The following ENTPD3 variants were observed in gnomAD, a reference collection of about 807,000 sequenced individuals.
The protein encoded by ENTPD3 is CD39 antigen-like 3.
A neutral mutation model predicts 51.2 loss-of-function variants in ENTPD3; 60 were observed. The observed-to-expected ratio is 1.17, with a 90% CI of 0.95 to 1.45. The LOEUF (loss-of-function observed/expected upper bound fraction) is 1.45. ENTPD3 is among the 40% of genes most tolerant of loss of function. ENTPD3 has a pLI of 0.00. For missense variants in ENTPD3, 593 were observed against 641.1 expected, an observed-to-expected ratio of 0.93 and a Z score of 0.81; for synonymous variants, 221 against 238.4, an observed-to-expected ratio of 0.93 and a Z score of 0.67.
intron 6 of ENTPD3, among the ~76,000 whole-genome samples, chr3:40,415,280 C>T (rs1955720102): frequency 6.6e-6 from 1 of 152,090 alleles, no homozygotes; most frequent in Non-Finnish European, 1.5e-5. Context: ...ACAGTCCAAT[C>T]CCTGCACTCC....
intron 3 of ENTPD3, among the ~76,000 whole-genome samples, chr3:40,400,566 G>A (rs1181131229): frequency 6.6e-6 from 1 of 152,118 alleles, no homozygotes; most frequent in Non-Finnish European, 1.5e-5. Context: ...AAAACCTGTT[G>A]ATGCCTGAGT....
intron 7 of ENTPD3, among the ~76,000 whole-genome samples, chr3:40,422,022 T>C (rs748791868): frequency 2.6e-5 from 4 of 152,226 alleles, no homozygotes; most frequent in Non-Finnish European, 5.9e-5. Context: ...ATTATATATA[T>C]CCATTTTCTC....
chr3:40,423,385 C>G lies in ENTPD3; in HGVS notation c.1199C>G (p.Ser400Ter). Residue 400 changes from serine to a stop codon, truncating the protein, a stop_gained, in exon 9 of 11, where the codon TCA (serine) becomes TGA (stop). Coordinates refer to ENST00000301825, the MANE Select transcript of ENTPD3 (RefSeq NM_001248.4). LOFTEE classifies it high-confidence loss of function. ...AACTCCAGCACCTGGAATTTCTGCT[C>G]ACAGAATTGGAGTCAGGTCAGTATT... ...TFNSSTWNFC[S>*]QNWSQLPLLL... is the part of the protein sequence containing the mutation. The G allele has an allele frequency of 6.2e-7, 1 of 1,611,980 alleles. No homozygotes were observed. Among genetic ancestry groups the G allele is most frequent in the Non-Finnish European group, 8.5e-7 (1 of 1,178,184 alleles).
Position 40,415,097 on chromosome 3 carries a change from G to T in ENTPD3, c.597+257G>T, listed in dbSNP as rs926873849. ...TTTACTAGCTTGTAAGAAATTGAAGGGGGTGGGATCTAAATTTAACACTAG... is the reference window on the plus strand; with the variant it reads ...TTTACTAGCTTGTAAGAAATTGAAGTGGGTGGGATCTAAATTTAACACTAG... On this transcript the variant is annotated intron_variant, in intron 6 of 10. Coordinates refer to ENST00000301825, the MANE Select transcript of ENTPD3 (RefSeq NM_001248.4). Among the ~76,000 whole-genome samples the T allele has an allele frequency of 2.0e-5, 3 of 152,144 alleles. No homozygotes were observed. In the South Asian group the frequency reaches 6.2e-4, roughly 32 times the overall value.
At chr3:40,389,978 T>A (rs746306508) in intron 2 of ENTPD3, among the ~76,000 whole-genome samples, 7 of 152,208 alleles carry the variant, frequency 4.6e-5, no homozygotes, top group Non-Finnish European at 8.8e-5. Context: ...GGCTGCACTG[T>A]CCAATATAGT....
chr3:40,408,675 TA>T (rs1013433747), intron 4 of ENTPD3, among the ~76,000 whole-genome samples: 4 of 152,208 alleles, frequency 2.6e-5, no homozygotes, highest in African/African-American at 9.7e-5. Context: ...TGTGTCTTTT[TA>T]AAAATAACTT....
intron 2 of ENTPD3, among the ~76,000 whole-genome samples, chr3:40,388,572 GCACACACACACAGACA>G (rs1191852911): frequency 0.03 from 2,865 of 94,090 alleles, 46 homozygotes; most frequent in Non-Finnish European, 0.042. Context: ...ACACTGGAAG[GCACACACACACAGACA>G]CACACACACA....
rs544219415 is a variant in ENTPD3 at position 40,423,206 on chromosome 3, A to G, written c.1104+84A>G. 3.3e-5 allele frequency: 51 copies of G among 1,558,298 alleles called. No homozygotes were observed. The African/African-American group carries it at 5.1e-4, about 15-fold the overall frequency. ...TCTGTTTCTCCTCTGCTGACTTGTT[A>G]GCCACCTTCTTATTCCTCACCCATA... On this transcript the variant is annotated intron_variant, in intron 8 of 10. Coordinates refer to ENST00000301825, the MANE Select transcript of ENTPD3 (RefSeq NM_001248.4).
intron 9 of ENTPD3, 67 bp downstream of exon 9, chr3:40,423,468 G>T (rs548929248): frequency 2.6e-6 from 3 of 1,141,296 alleles, no homozygotes; most frequent in Admixed American, 2.0e-5. Flanking sequence ...TTCTATGTGT[G>T]TGTATTCTGA....
chr3:40,417,392 C>T (rs181722614), intron 7 of ENTPD3, among the ~76,000 whole-genome samples: 2 of 152,268 alleles, frequency 1.3e-5, no homozygotes, highest in Non-Finnish European at 2.9e-5. Flanking sequence ...CGGAAGCAAG[C>T]CCTTCTTACA....
intron 7 of ENTPD3, among the ~76,000 whole-genome samples, chr3:40,422,099 G>C (rs1242101196): frequency 6.6e-6 from 1 of 151,674 alleles, no homozygotes; most frequent in East Asian, 1.9e-4. Context: ...TAATGTGAGA[G>C]AGAGCCTAGC....
At chr3:40,388,208 A>G in intron 2 of ENTPD3, 111 bp downstream of exon 2, 2 of 1,050,232 alleles carry the variant, frequency 1.9e-6, no homozygotes, top group Non-Finnish European at 3.0e-6. Flanking sequence ...GTTTAACTTT[A>G]TTGGTTTGAG....
At chr3:40,398,030 G>A (rs1045655175) in intron 3 of ENTPD3, among the ~76,000 whole-genome samples, 3 of 152,174 alleles carry the variant, frequency 2.0e-5, no homozygotes, top group African/African-American at 4.8e-5. Context: ...ACTGGTTAAA[G>A]ACCATTTTTC....
intron 7 of ENTPD3, among the ~76,000 whole-genome samples, chr3:40,421,920 G>A (rs1278827282): frequency 6.6e-6 from 1 of 152,140 alleles, no homozygotes; most frequent in Non-Finnish European, 1.5e-5. Flanking sequence ...GGCTGCAAGT[G>A]GATGAGAAGG....
At chr3:40,395,078 A>G (rs1486337486) in intron 3 of ENTPD3, among the ~76,000 whole-genome samples, 1 of 152,168 alleles carries the variant, frequency 6.6e-6, no homozygotes, top group Non-Finnish European at 1.5e-5. Flanking sequence ...GTGTAAACAG[A>G]GCATAGCTGT....
chr3:40,416,013 C>CAG lies in ENTPD3; in HGVS notation c.772_773dup (p.Ser258ArgfsTer124). ...GCTACGTATACACGCTCTACACACACAGCTTCCAGTGCTATGGCCGGAATG... is the reference window on the plus strand; with the variant it reads ...GCTACGTATACACGCTCTACACACACAGAGCTTCCAGTGCTATGGCCGGAATG... On this transcript the variant is annotated frameshift_variant, in exon 7 of 11. Transcript: ENST00000301825. LOFTEE classifies it high-confidence loss of function. 3.7e-6 allele frequency: 6 copies of CAG among 1,614,122 alleles called. No homozygotes were observed. In the Middle Eastern group the frequency reaches 9.9e-4, roughly 266 times the overall value.
chr3:40,413,546 AAAACAAAC>A, intron 5 of ENTPD3, among the ~76,000 whole-genome samples: 1 of 152,330 alleles, frequency 6.6e-6, no homozygotes, highest in African/African-American at 2.4e-5. Flanking sequence ...AAACAAAAAC[AAAACAAAC>A]AAACAAACAA....
intron 5 of ENTPD3, 128 bp downstream of exon 5, chr3:40,412,090 C>T: frequency 1.0e-6 from 1 of 958,238 alleles, no homozygotes; most frequent in African/African-American, 1.7e-5. Flanking sequence ...CACATTCTGC[C>T]ATAAATTTGG....
Position 40,397,474 on chromosome 3 carries a change from G to A in ENTPD3, c.169-3420G>A, listed in dbSNP as rs747655415. On this transcript the variant is annotated intron_variant, in intron 3 of 10. Coordinates refer to ENST00000301825, the MANE Select transcript of ENTPD3 (RefSeq NM_001248.4). ...GCATTTACTTACTACTGTAAGCCTC[G>A]GTTTGCCCATGTGTCGAATGGTATG... Among the ~76,000 whole-genome samples, 12 of 151,990 alleles carry A rather than the reference G, an allele frequency of 7.9e-5. 1 individual carries two copies. In the South Asian group the frequency reaches 8.3e-4, roughly 11 times the overall value.
Sources: allele counts gnomAD v4.1 joint callset (sites outside exome capture counted in the v4.1 genomes callset), GRCh38; gene constraint gnomAD v4.1.1; transcripts MANE v1.5; gene names NCBI Gene and HGNC (gene_info 2026-07-23, HGNC 2026-07-21).